LRMDA: variants seen among roughly 807,000 people sequenced by gnomAD.
LRMDA encodes the protein leucine-rich melanocyte differentiation-associated protein.
Under a neutral mutation model 29.8 loss-of-function variants are expected in LRMDA, and 18 were observed. That is an observed-to-expected ratio of 0.60 (90% CI 0.42 to 0.90). LRMDA has a LOEUF of 0.90. LRMDA is among the 40% of genes least tolerant of loss of function. LRMDA has a pLI of 0.00. For synonymous variants in LRMDA, 125 were observed against 109.4 expected (o/e 1.14, Z -0.89); for missense variants, 273 against 273.9 (o/e 1.00, Z 0.02).
At chr10:75,879,244 A>G (rs1422095837) in intron 2 of LRMDA, among the ~76,000 whole-genome samples, 1 of 152,204 alleles carries the variant, frequency 6.6e-6, no homozygotes, top group Non-Finnish European at 1.5e-5. Context: ...TGTAAGGACC[A>G]CAGGGGTGAA....
At chr10:75,955,548 A>G (rs1047494170) in intron 2 of LRMDA, among the ~76,000 whole-genome samples, 2 of 152,220 alleles carry the variant, frequency 1.3e-5, no homozygotes, top group Non-Finnish European at 2.9e-5. Context: ...CCACATTTTC[A>G]TGGCATCTTT....
At chr10:76,077,261 C>T (rs1027777863) in intron 5 of LRMDA, among the ~76,000 whole-genome samples, 1 of 152,142 alleles carries the variant, frequency 6.6e-6, no homozygotes, top group Non-Finnish European at 1.5e-5. Context: ...GAGGTGATGG[C>T]GACCAGACAG....
In LRMDA at chr10:76,558,433, A is replaced by AATG. The variant is rs1174345336; in HGVS notation, c.*1146_*1148dup. The AATG allele has an allele frequency of 6.6e-6, 1 of 152,208 alleles. No homozygotes were observed. Among genetic ancestry groups the AATG allele is most frequent in the Non-Finnish European group, 1.5e-5 (1 of 68,038 alleles). The allele number at this position is 152,208 out of a possible 1,614,324, so 9.4% of individuals were successfully genotyped here. ...GTATGCTTGGCTGTGCACTAGCACT[A>AATG]ATGTCACAAGGAACATAAGTGTGAT... On this transcript the variant is annotated 3_prime_UTR_variant, in exon 7 of 7. Coordinates refer to ENST00000611255, the MANE Select transcript of LRMDA (RefSeq NM_001305581.2).
intron 2 of LRMDA, among the ~76,000 whole-genome samples, chr10:75,462,081 T>C (rs549036409): frequency 3.9e-5 from 6 of 152,228 alleles, no homozygotes; most frequent in Non-Finnish European, 8.8e-5. Flanking sequence ...CAGAATGAGA[T>C]GTTAGGAGCT....
At chr10:75,850,331 T>C (rs755785062) in intron 2 of LRMDA, among the ~76,000 whole-genome samples, 14 of 152,230 alleles carry the variant, frequency 9.2e-5, no homozygotes, top group Admixed American at 5.2e-4. Context: ...AAATTGTAAA[T>C]GATGGAGTCT....
chr10:75,796,370 T>C (rs1271357698), intron 2 of LRMDA, among the ~76,000 whole-genome samples: 2 of 152,198 alleles, frequency 1.3e-5, no homozygotes, highest in Non-Finnish European at 2.9e-5. Context: ...ATATTCCTAG[T>C]TTATCATGAA....
At chr10:76,038,824 A>G (rs1284252353) in intron 3 of LRMDA, among the ~76,000 whole-genome samples, 1 of 152,222 alleles carries the variant, frequency 6.6e-6, no homozygotes, top group Non-Finnish European at 1.5e-5. Flanking sequence ...CCCAACATTT[A>G]GTGGCTTAAA....
At chr10:75,952,997 C>T (rs555786559) in intron 2 of LRMDA, among the ~76,000 whole-genome samples, 2 of 152,064 alleles carry the variant, frequency 1.3e-5, no homozygotes, top group Admixed American at 6.6e-5. Flanking sequence ...TCAGGTTATC[C>T]GCCTGCCTCA....
At chr10:76,504,838 A>G (rs1322465593) in intron 6 of LRMDA, among the ~76,000 whole-genome samples, 2 of 152,028 alleles carry the variant, frequency 1.3e-5, no homozygotes, top group African/African-American at 4.8e-5. Context: ...TGACCCTGTC[A>G]TCATATTGTT....
chr10:75,783,127 G>A (rs539474146), intron 2 of LRMDA: 3 of 1,332,034 alleles, frequency 2.3e-6, no homozygotes, highest in South Asian at 2.4e-5. Context: ...CTTGATGAGC[G>A]AGATGATTGA....
At chr10:75,464,258 C>A (rs1477229450) in intron 2 of LRMDA, among the ~76,000 whole-genome samples, 1 of 152,124 alleles carries the variant, frequency 6.6e-6, no homozygotes, top group African/African-American at 2.4e-5. Flanking sequence ...TAGTCTTCTT[C>A]GAAGGGGTTG....
chr10:76,410,298 C>CTTTTTTTTTTTTTTTT (rs1172213249), intron 6 of LRMDA, among the ~76,000 whole-genome samples: 2 of 66,544 alleles, frequency 3.0e-5, no homozygotes, highest in Non-Finnish European at 5.6e-5. Flanking sequence ...CACTTTCTTT[C>CTTTTTTTTTTTTTTTT]TTTTTTTTTT....
At chr10:76,237,587 C>T (rs1303851890) in intron 5 of LRMDA, among the ~76,000 whole-genome samples, 2 of 152,108 alleles carry the variant, frequency 1.3e-5, no homozygotes, top group Non-Finnish European at 2.9e-5. Context: ...TTGAACCTTT[C>T]TTTGTCTTTG....
At chr10:75,467,956 T>TCTCA (rs777221715) in intron 2 of LRMDA, among the ~76,000 whole-genome samples, 1 of 129,988 alleles carries the variant, frequency 7.7e-6, no homozygotes, top group Non-Finnish European at 1.6e-5. Context: ...TGAGACTCCG[T>TCTCA]CACACACACA....
intron 2 of LRMDA, among the ~76,000 whole-genome samples, chr10:75,634,505 A>G (rs9665508): frequency 0.041 from 6,292 of 152,262 alleles, 336 homozygotes; most frequent in African/African-American, 0.12. Context: ...GCTGCTGCCT[A>G]TAGACACAGA....
chr10:76,542,053 ACG>A (rs1491206616), intron 6 of LRMDA, among the ~76,000 whole-genome samples: 7 of 97,602 alleles, frequency 7.2e-5, no homozygotes, highest in African/African-American at 2.7e-4. Flanking sequence ...AGGTGTGTGC[ACG>A]TGTGTGTGTG....
chr10:75,760,234 A>G (rs139414311), intron 2 of LRMDA, among the ~76,000 whole-genome samples: 1 of 152,318 alleles, frequency 6.6e-6, no homozygotes, highest in East Asian at 1.9e-4. Flanking sequence ...GTAAATTCCT[A>G]TTGAAAGCCA....
rs1389008825 is a variant in LRMDA at position 76,432,496 on chromosome 10, A to G, written c.601+108011A>G. 5.3e-5 allele frequency among the ~76,000 whole-genome samples: 8 copies of G among 152,286 alleles called. No individual in the cohort carries two copies. In the East Asian group the frequency reaches 1.2e-3, roughly 22 times the overall value. ...AGCTATGCGGAATTCTAGCATTCCA[A>G]TGAGACTTGTCAGAGGTGCAGGGGG... On this transcript the variant is annotated intron_variant, in intron 6 of 6. Coordinates refer to ENST00000611255, the MANE Select transcript of LRMDA (RefSeq NM_001305581.2).
chr10:75,749,467 TAC>T (rs1168417503), intron 2 of LRMDA, among the ~76,000 whole-genome samples: 2 of 152,122 alleles, frequency 1.3e-5, no homozygotes, highest in East Asian at 1.9e-4. Flanking sequence ...TATATGTACA[TAC>T]ACACACATAT....
Sources: allele counts gnomAD v4.1 joint callset (sites outside exome capture counted in the v4.1 genomes callset), GRCh38; gene constraint gnomAD v4.1.1; transcripts MANE v1.5; gene names NCBI Gene and HGNC (gene_info 2026-07-23, HGNC 2026-07-21).